The following INPP4B variants were observed in gnomAD, a reference collection of about 807,000 sequenced individuals.
INPP4B encodes the protein inositol polyphosphate 4-phosphatase type II.
A neutral mutation model predicts 122.5 loss-of-function variants in INPP4B; 55 were observed. The ratio of observed to expected loss-of-function variants is 0.45; its 90% CI spans 0.36 to 0.56. The LOEUF (loss-of-function observed/expected upper bound fraction) is 0.56. Among genes scored for constraint, INPP4B ranks in the 20% least tolerant of loss-of-function variants. The pLI, the probability that INPP4B is intolerant of heterozygous loss-of-function variation, is 0.00. For missense variants in INPP4B, 1,000 were observed against 1,097.7 expected (o/e 0.91, Z 1.26); for synonymous variants, 403 against 388.7 (o/e 1.04, Z -0.43).
At chr4:142,147,747 T>A (rs1811566394) in intron 17 of INPP4B, among the ~76,000 whole-genome samples, 1 of 152,204 alleles carries the variant, frequency 6.6e-6, no homozygotes, top group South Asian at 2.1e-4. Flanking sequence ...ATTATAACAA[T>A]CTTTCCCCTA....
intron 3 of INPP4B, among the ~76,000 whole-genome samples, chr4:142,442,564 A>G (rs949639683): frequency 6.6e-6 from 1 of 152,184 alleles, no homozygotes; most frequent in Admixed American, 6.5e-5. Context: ...CATAGAAGGT[A>G]CCAGTTTCCA....
At chr4:142,060,180 A>C (rs1253600936) in intron 25 of INPP4B, among the ~76,000 whole-genome samples, 1 of 152,142 alleles carries the variant, frequency 6.6e-6, no homozygotes. Flanking sequence ...TATTTCTATA[A>C]GTGTTTGGTT....
intron 1 of INPP4B, among the ~76,000 whole-genome samples, chr4:142,838,405 G>C (rs918406173): frequency 1.3e-5 from 2 of 151,664 alleles, no homozygotes; most frequent in Non-Finnish European, 2.9e-5. Flanking sequence ...GTAGAAGCCA[G>C]CTGTATCAAT....
intron 22 of INPP4B, among the ~76,000 whole-genome samples, chr4:142,110,453 T>C (rs1288965885): frequency 1.3e-5 from 2 of 152,172 alleles, no homozygotes; most frequent in Non-Finnish European, 2.9e-5. Context: ...ATACAACATC[T>C]ACATTTTGAA....
At chr4:142,315,113 G>T (rs1322182261) in intron 7 of INPP4B, among the ~76,000 whole-genome samples, 1 of 152,172 alleles carries the variant, frequency 6.6e-6, no homozygotes, top group African/African-American at 2.4e-5. Context: ...CATGCACAAT[G>T]AGTGTTCCCA....
chr4:142,581,862 T>C (rs1050087057), intron 2 of INPP4B, among the ~76,000 whole-genome samples: 1 of 151,966 alleles, frequency 6.6e-6, no homozygotes, highest in Non-Finnish European at 1.5e-5. Flanking sequence ...GGAATGGGGC[T>C]GTAGATGCTA....
intron 25 of INPP4B, among the ~76,000 whole-genome samples, chr4:142,062,682 G>A (rs1212299327): frequency 6.6e-6 from 1 of 152,088 alleles, no homozygotes; most frequent in African/African-American, 2.4e-5. Context: ...GTTGCAGTGA[G>A]CCAAGATGGC....
In INPP4B at chr4:142,337,765, T is replaced by TTA. The variant is rs199670603; in HGVS notation, c.373-23005_373-23004dup. On this transcript the variant is annotated intron_variant, in intron 7 of 25. Coordinates refer to ENST00000262992, the MANE Select transcript of INPP4B (RefSeq NM_001101669.3). ...ATATATTATATATTTTATATATATT[T>TTA]TATATATATATTTATATAGTTTATG... Among the ~76,000 whole-genome samples the TTA allele has an allele frequency of 5.7e-5, 8 of 140,030 alleles. No individual in the cohort carries two copies. In the South Asian group the frequency reaches 1.5e-3, roughly 27 times the overall value. 91.9% of individuals were successfully genotyped at this position (140,030 alleles called of 152,430 possible). A position where few individuals can be genotyped will look rare whatever the true frequency, so the allele number is the denominator to read the frequency against.
intron 2 of INPP4B, among the ~76,000 whole-genome samples, chr4:142,649,703 A>G (rs1752533333): frequency 6.6e-6 from 1 of 152,228 alleles, no homozygotes; most frequent in Non-Finnish European, 1.5e-5. Context: ...CCTCCAAGAA[A>G]TACAGGACTA....
intron 9 of INPP4B, among the ~76,000 whole-genome samples, chr4:142,284,012 G>C (rs1752389982): frequency 1.3e-5 from 2 of 152,078 alleles, no homozygotes; most frequent in Admixed American, 1.3e-4. Flanking sequence ...TTGATCCACT[G>C]GGCAGATATC....
chr4:142,161,606 C>T (rs1376017504), intron 16 of INPP4B, among the ~76,000 whole-genome samples: 4 of 151,852 alleles, frequency 2.6e-5, no homozygotes, highest in African/African-American at 7.3e-5. Context: ...GGTGCACTCT[C>T]AATATGCGGT....
At chr4:142,446,907 C>T (rs1402969099) in intron 3 of INPP4B, among the ~76,000 whole-genome samples, 3 of 152,070 alleles carry the variant, frequency 2.0e-5, no homozygotes, top group African/African-American at 7.2e-5. Context: ...ACAAGAGGTA[C>T]ATTACAGAGA....
chr4:142,355,718 C>T (rs1262422339), intron 7 of INPP4B, among the ~76,000 whole-genome samples: 3 of 151,940 alleles, frequency 2.0e-5, no homozygotes, highest in African/African-American at 7.2e-5. Flanking sequence ...CAAAATTTAC[C>T]AGTTTCTGGC....
chr4:142,682,960 A>G (rs1009104329), intron 2 of INPP4B, among the ~76,000 whole-genome samples: 1 of 151,946 alleles, frequency 6.6e-6, no homozygotes, highest in South Asian at 2.1e-4. Flanking sequence ...GCATATACAC[A>G]TATATATGTG....
intron 15 of INPP4B, among the ~76,000 whole-genome samples, chr4:142,175,888 C>A (rs912058435): frequency 5.3e-5 from 8 of 151,980 alleles, no homozygotes; most frequent in African/African-American, 1.9e-4. Flanking sequence ...TTTTGATACC[C>A]AGCAGCTCCA....
At chr4:142,774,347 C>G (rs1357619021) in intron 1 of INPP4B, among the ~76,000 whole-genome samples, 1 of 152,080 alleles carries the variant, frequency 6.6e-6, no homozygotes, top group Non-Finnish European at 1.5e-5. Context: ...TAGCATATGT[C>G]TGAAGATCAT....
At chr4:142,831,384 A>G (rs953665140) in intron 1 of INPP4B, among the ~76,000 whole-genome samples, 1 of 152,184 alleles carries the variant, frequency 6.6e-6, no homozygotes, top group Admixed American at 6.5e-5. Flanking sequence ...GATAGGATAT[A>G]AGGGGAAAAT....
chr4:142,581,196 A>T (rs1449301360), intron 2 of INPP4B, among the ~76,000 whole-genome samples: 3 of 152,058 alleles, frequency 2.0e-5, no homozygotes, highest in Non-Finnish European at 4.4e-5. Context: ...TGCAGAAAGG[A>T]TATAAGATCC....
intron 2 of INPP4B, among the ~76,000 whole-genome samples, chr4:142,527,267 T>G (rs1276138243): frequency 6.6e-6 from 1 of 151,776 alleles, no homozygotes; most frequent in Non-Finnish European, 1.5e-5. Flanking sequence ...AAAATATGTA[T>G]TTGTAAGTAT....
Sources: allele counts gnomAD v4.1 joint callset (sites outside exome capture counted in the v4.1 genomes callset), GRCh38; gene constraint gnomAD v4.1.1; transcripts MANE v1.5; gene names NCBI Gene and HGNC (gene_info 2026-07-23, HGNC 2026-07-21).